The following ATF2 variants were observed in gnomAD, a reference collection of about 807,000 sequenced individuals.
ATF2 encodes activating transcription factor 2.
In ATF2, 24 loss-of-function variants were observed where a neutral mutation model predicts 60.6. The observed-to-expected ratio is 0.40, with a 90% CI of 0.29 to 0.56. The LOEUF is 0.56. ATF2 is among the 20% of genes least tolerant of loss of function. ATF2 has a pLI of 0.54. For missense variants in ATF2, 433 were observed against 607.7 expected (o/e 0.71, Z 3.02); for synonymous variants, 206 against 215.4 (o/e 0.96, Z 0.38).
At chr2:175,128,964 A>G (rs1481949094) in intron 4 of ATF2, among the ~76,000 whole-genome samples, 1 of 152,158 alleles carries the variant, frequency 6.6e-6, no homozygotes, top group Admixed American at 6.5e-5. Flanking sequence ...TCAAACATAT[A>G]TCTATCAGAT....
At chr2:175,131,761 T>C (rs942592037) in intron 3 of ATF2, among the ~76,000 whole-genome samples, 1 of 152,186 alleles carries the variant, frequency 6.6e-6, no homozygotes, top group Admixed American at 6.5e-5. Flanking sequence ...GAGAACAGTA[T>C]GGCACCGCAG....
intron 7 of ATF2, among the ~76,000 whole-genome samples, chr2:175,117,729 T>C (rs976069374): frequency 6.6e-6 from 1 of 151,866 alleles, no homozygotes; most frequent in Non-Finnish European, 1.5e-5. Context: ...CACAGAAAAA[T>C]TAAGTTAAAT....
rs1158342142 is a variant in ATF2 at position 175,121,665 on chromosome 2, T to A, written c.103-125A>T. 13 of 641,276 alleles carry A rather than the reference T, an allele frequency of 2.0e-5. No homozygotes were observed. In the Middle Eastern group the frequency reaches 1.9e-3, roughly 95 times the overall value. 39.7% of individuals were successfully genotyped at this position (641,276 alleles called of 1,614,324 possible). ...AACAGTGAAATAGCAGTTTTTAAAC[T>A]ATAAAAGAATCCGTTATTGTTAGTA... is the stretch of plus-strand genomic sequence containing the variant. On this transcript the variant is annotated intron_variant, in intron 4 of 13. Transcript: ENST00000264110.
chr2:175,114,313 T>C, intron 8 of ATF2: 1 of 1,305,238 alleles, frequency 7.7e-7, no homozygotes, highest in Non-Finnish European at 9.7e-7. Flanking sequence ...AAGAGAAAAG[T>C]TATGGATTTA....
At chr2:175,144,456 A>T (rs1188641363) in intron 2 of ATF2, among the ~76,000 whole-genome samples, 5 of 152,254 alleles carry the variant, frequency 3.3e-5, no homozygotes, top group Non-Finnish European at 5.9e-5. Context: ...AAAAGAGAAT[A>T]ATAAAGAAAA....
chr2:175,137,990 G>A (rs1574459425), intron 2 of ATF2, among the ~76,000 whole-genome samples: 1 of 152,160 alleles, frequency 6.6e-6, no homozygotes, highest in Non-Finnish European at 1.5e-5. Flanking sequence ...TTTTATTGCA[G>A]TGTTGCAAAT....
intron 13 of ATF2, chr2:175,080,380 T>C (rs1440043182): frequency 4.8e-6 from 1 of 209,766 alleles, no homozygotes. Flanking sequence ...ATGAACAAAA[T>C]ATCATCAAGT....
chr2:175,093,601 A>G (rs1165437979), intron 11 of ATF2, among the ~76,000 whole-genome samples: 1 of 152,200 alleles, frequency 6.6e-6, no homozygotes, highest in East Asian at 1.9e-4. Flanking sequence ...ATATTTTAAC[A>G]GATTTTATTA....
At chr2:175,138,362 A>G (rs1375243021) in intron 2 of ATF2, among the ~76,000 whole-genome samples, 1 of 152,186 alleles carries the variant, frequency 6.6e-6, no homozygotes, top group Non-Finnish European at 1.5e-5. Context: ...TGGGGCTTAC[A>G]TTAACTAATC....
intron 7 of ATF2, 80 bp downstream of exon 7, chr2:175,117,910 A>T (rs1201286278): frequency 7.1e-7 from 1 of 1,409,578 alleles, no homozygotes; most frequent in Non-Finnish European, 9.4e-7. Context: ...TAATACATTA[A>T]CATTTTATGG....
At chr2:175,134,552 AAAAAG>A (rs1697998380) in intron 3 of ATF2, among the ~76,000 whole-genome samples, 2 of 152,042 alleles carry the variant, frequency 1.3e-5, no homozygotes, top group South Asian at 4.1e-4. Flanking sequence ...AAAAAAAAAA[AAAAAG>A]AAAGAAAGAA....
chr2:175,109,680 G>T (rs529631527), intron 10 of ATF2, among the ~76,000 whole-genome samples: 11 of 152,256 alleles, frequency 7.2e-5, no homozygotes, highest in African/African-American at 2.4e-4. Flanking sequence ...CACAATAACA[G>T]GATCTCCTTT....
At position 175,114,849 on chromosome 2, in the gene ATF2, G is replaced by A; in HGVS notation, c.467C>T (p.Thr156Ile). The A allele has an allele frequency of 5.0e-6, 8 of 1,612,994 alleles. No homozygotes were observed. Among genetic ancestry groups the A allele is most frequent in the Non-Finnish European group, 5.9e-6 (7 of 1,179,312 alleles). Residue 156 changes from threonine to isoleucine, a missense_variant, in exon 8 of 14, where the codon ACT becomes ATT. By Grantham distance (89) the Thr-to-Ile change is moderately conservative (BLOSUM62 -1). Around this residue, in one of 5 missense-constraint regions of ATF2, gnomAD observed 246 missense variants for 309.3 expected, o/e 0.80. Coordinates refer to ENST00000264110, the MANE Select transcript of ATF2 (RefSeq NM_001880.4). ...SDEKEVPLAQ[T>I]AQPTSAIVRP... ...AACAATAGCTGATGTGGGCTGTGCAGTTTGTGCCAATGGTACTTCCTATTT... is the reference window on the plus strand; with the variant it reads ...AACAATAGCTGATGTGGGCTGTGCAATTTGTGCCAATGGTACTTCCTATTT...
intron 2 of ATF2, among the ~76,000 whole-genome samples, chr2:175,137,348 G>A (rs1698211475): frequency 6.6e-6 from 1 of 152,082 alleles, no homozygotes; most frequent in Admixed American, 6.6e-5. Flanking sequence ...TGCTGTCTGC[G>A]AGGAGAGGAA....
chr2:175,085,553 T>TACACACACACAC (rs56804408), intron 12 of ATF2, among the ~76,000 whole-genome samples: 115 of 141,414 alleles, frequency 8.1e-4, no homozygotes, highest in African/African-American at 2.7e-3. Context: ...ATACATAACA[T>TACACACACACAC]ACACACACAC....
intron 12 of ATF2, among the ~76,000 whole-genome samples, chr2:175,089,667 C>A (rs1300744846): frequency 6.6e-6 from 1 of 152,190 alleles, no homozygotes; most frequent in Non-Finnish European, 1.5e-5. Flanking sequence ...TAACTCTTCA[C>A]ATTCTGAAAG....
intron 2 of ATF2, among the ~76,000 whole-genome samples, chr2:175,146,752 G>A (rs539259690): frequency 2.0e-5 from 3 of 152,190 alleles, no homozygotes; most frequent in Admixed American, 6.5e-5. Context: ...TTGTCGCTTC[G>A]TCAAGCACAT....
intron 13 of ATF2, chr2:175,075,038 A>G: frequency 6.9e-7 from 1 of 1,439,786 alleles, no homozygotes; most frequent in East Asian, 2.7e-5. Flanking sequence ...ATGCATATGG[A>G]AACATCTGGG....
At chr2:175,143,367 A>G (rs1357747863) in intron 2 of ATF2, among the ~76,000 whole-genome samples, 1 of 152,350 alleles carries the variant, frequency 6.6e-6, no homozygotes, top group Non-Finnish European at 1.5e-5. Context: ...ATAATTAAAT[A>G]GTAATGTCAT....
Sources: allele counts gnomAD v4.1 joint callset (sites outside exome capture counted in the v4.1 genomes callset), GRCh38; gene constraint gnomAD v4.1.1; regional missense constraint gnomAD v4.1.1; transcripts MANE v1.5; gene names NCBI Gene and HGNC (gene_info 2026-07-23, HGNC 2026-07-21).